The following KCNH1 variants were observed in gnomAD, a reference collection of about 807,000 sequenced individuals.
KCNH1 encodes the protein voltage-gated delayed rectifier potassium channel KCNH1.
In KCNH1, 27 loss-of-function variants were observed where a neutral mutation model predicts 69.2. The observed-to-expected ratio is 0.39, with a 90% confidence interval of 0.29 to 0.54. The LOEUF is 0.54. KCNH1 is among the 20% of genes least tolerant of loss of function. KCNH1 has a pLI of 0.68. For missense variants in KCNH1, 798 were observed against 1,261.6 expected (o/e 0.63, Z 5.57); for synonymous variants, 456 against 487.7 (o/e 0.93, Z 0.86).
intron 6 of KCNH1, among the ~76,000 whole-genome samples, chr1:211,000,349 A>G (rs542684625): frequency 6.3e-4 from 96 of 152,350 alleles, no homozygotes; most frequent in African/African-American, 2.1e-3. Context: ...AAAAATCACA[A>G]GCATTCTTAT....
At position 210,682,383 on chromosome 1, in the gene KCNH1, C is replaced by G. The variant is rs1198382307; in HGVS notation, c.*898G>C. On this transcript the variant is annotated 3_prime_UTR_variant, in exon 11 of 11. Coordinates refer to ENST00000271751, the MANE Select transcript of KCNH1 (RefSeq NM_172362.3). Reference sequence around the variant, plus strand: ...ATAAAGCAACTCTGGGCTCATGACCCTTCCTGCCGATGCTCCATACCCTGA... The same window carrying G: ...ATAAAGCAACTCTGGGCTCATGACCGTTCCTGCCGATGCTCCATACCCTGA... 1 of 152,240 alleles carries G rather than the reference C, an allele frequency of 6.6e-6. No homozygotes were observed. Among genetic ancestry groups the G allele is most frequent in the Non-Finnish European group, 1.5e-5 (1 of 68,102 alleles). 9.4% of individuals were successfully genotyped at this position (152,240 alleles called of 1,614,324 possible). A position where few individuals can be genotyped will look rare whatever the true frequency, so the allele number is the denominator to read the frequency against.
intron 10 of KCNH1, among the ~76,000 whole-genome samples, chr1:210,713,896 A>G (rs1682144955): frequency 6.6e-6 from 1 of 152,224 alleles, no homozygotes; most frequent in South Asian, 2.1e-4. Context: ...TGGAGCTAAC[A>G]GGAATTCAGC....
At chr1:210,717,980 A>G (rs1168440280) in intron 10 of KCNH1, among the ~76,000 whole-genome samples, 1 of 151,810 alleles carries the variant, frequency 6.6e-6, no homozygotes, top group Non-Finnish European at 1.5e-5. Context: ...GGTGGTGTGC[A>G]CCTTTAATGC....
intron 7 of KCNH1, among the ~76,000 whole-genome samples, chr1:210,855,342 TA>T (rs1310665708): frequency 5.3e-5 from 8 of 152,190 alleles, no homozygotes; most frequent in Non-Finnish European, 8.8e-5. Flanking sequence ...AATCCCTTAT[TA>T]TTGACTGTAA....
At chr1:210,922,369 G>A (rs190147937) in intron 6 of KCNH1, among the ~76,000 whole-genome samples, 2,398 of 126,900 alleles carry the variant, frequency 0.019, 77 homozygotes, top group African/African-American at 0.066. Flanking sequence ...GGGCAACAGA[G>A]CGAGACTCCG....
intron 10 of KCNH1, among the ~76,000 whole-genome samples, chr1:210,687,177 G>A (rs771121537): frequency 6.6e-6 from 1 of 152,168 alleles, no homozygotes; most frequent in Non-Finnish European, 1.5e-5. Context: ...AGGAGTCAAC[G>A]CAAAACGGAT....
Position 210,698,019 on chromosome 1 carries a change from C to T in KCNH1, c.2113-13881G>A, listed in dbSNP as rs116473866. Among the ~76,000 whole-genome samples, 747 of 152,324 alleles carry T rather than the reference C, an allele frequency of 4.9e-3. 9 individuals carry two copies. Among genetic ancestry groups the T allele is most frequent in the African/African-American group, 0.017 (701 of 41,576 alleles). The stretch of plus-strand genomic sequence containing the variant: ...GATAGCCAGTTTGTGGATTGCTTTT[C>T]TCTCCTTCTGTCAATATACACAAAT... On this transcript the variant is annotated intron_variant, in intron 10 of 10. Transcript: ENST00000271751.
At chr1:211,104,758 A>C (rs1691322898) in intron 2 of KCNH1, among the ~76,000 whole-genome samples, 1 of 152,172 alleles carries the variant, frequency 6.6e-6, no homozygotes, top group African/African-American at 2.4e-5. Flanking sequence ...AGCAATGATC[A>C]CTCCTCAAGT....
At chr1:210,905,725 G>A (rs947672049) in intron 7 of KCNH1, among the ~76,000 whole-genome samples, 2 of 152,000 alleles carry the variant, frequency 1.3e-5, no homozygotes, top group South Asian at 2.1e-4. Flanking sequence ...GGCAGCCGTA[G>A]GGTGCTGAGG....
intron 7 of KCNH1, among the ~76,000 whole-genome samples, chr1:210,807,989 G>T (rs1255220207): frequency 1.3e-5 from 2 of 152,210 alleles, no homozygotes; most frequent in African/African-American, 4.8e-5. Flanking sequence ...AACAAAAGGA[G>T]CCGGACAAAA....
chr1:210,841,126 G>C (rs554763508), intron 7 of KCNH1, among the ~76,000 whole-genome samples: 3 of 152,300 alleles, frequency 2.0e-5, no homozygotes, highest in African/African-American at 7.2e-5. Context: ...GACAACAAAT[G>C]AAGCTGCTTC....
chr1:210,743,444 G>T (rs552323168), intron 10 of KCNH1, among the ~76,000 whole-genome samples: 1 of 152,306 alleles, frequency 6.6e-6, no homozygotes, highest in East Asian at 1.9e-4. Context: ...AGCCTTGGCA[G>T]CCAGAAAGAC....
chr1:210,815,964 C>T lies in KCNH1; in HGVS notation c.1463-11798G>A, dbSNP rs954555265. ...AAAAGCAAAGTGGTATATTTAAAGGCGGGACATCTGTGCTTCTTCCTCTAA... is the reference window on the plus strand; with the variant it reads ...AAAAGCAAAGTGGTATATTTAAAGGTGGGACATCTGTGCTTCTTCCTCTAA... On this transcript the variant is annotated intron_variant, in intron 7 of 10. Coordinates refer to ENST00000271751, the MANE Select transcript of KCNH1 (RefSeq NM_172362.3). Among the ~76,000 whole-genome samples the T allele has an allele frequency of 5.3e-5, 8 of 152,254 alleles. No individual in the cohort carries two copies. The South Asian group carries it at 6.2e-4, about 12-fold the overall frequency.
At chr1:210,787,535 G>T (rs1416575315) in intron 9 of KCNH1, among the ~76,000 whole-genome samples, 1 of 152,164 alleles carries the variant, frequency 6.6e-6, no homozygotes, top group Non-Finnish European at 1.5e-5. Flanking sequence ...TCACATCAAT[G>T]AAAGCATGCG....
chr1:211,068,156 T>C (rs1690568118), intron 5 of KCNH1, among the ~76,000 whole-genome samples: 1 of 152,204 alleles, frequency 6.6e-6, no homozygotes, highest in Admixed American at 6.5e-5. Flanking sequence ...CTGTGCTTTG[T>C]GTCAATTTTT....
intron 6 of KCNH1, among the ~76,000 whole-genome samples, chr1:210,968,741 T>A (rs1688458845): frequency 1.3e-5 from 2 of 152,092 alleles, no homozygotes; most frequent in African/African-American, 4.8e-5. Context: ...TAAATTTGTT[T>A]GTGTTCATTG....
intron 9 of KCNH1, among the ~76,000 whole-genome samples, chr1:210,776,001 T>C (rs1574249045): frequency 6.6e-6 from 1 of 152,154 alleles, no homozygotes; most frequent in East Asian, 1.9e-4. Context: ...CAACCAATAT[T>C]TATAGGCAGA....
chr1:211,037,460 T>G (rs1434445642), intron 5 of KCNH1, among the ~76,000 whole-genome samples: 1 of 151,404 alleles, frequency 6.6e-6, no homozygotes, highest in Non-Finnish European at 1.5e-5. Flanking sequence ...AAAACAGGAC[T>G]GTACGCTCAA....
At chr1:211,069,964 G>A (rs1690606479) in intron 5 of KCNH1, among the ~76,000 whole-genome samples, 1 of 152,052 alleles carries the variant, frequency 6.6e-6, no homozygotes, top group Non-Finnish European at 1.5e-5. Context: ...AGAATTGTGG[G>A]ACAACTACAA....
Sources: gnomAD v4.1 joint callset for allele counts (sites outside exome capture counted in the v4.1 genomes callset) on GRCh38, gnomAD v4.1.1 for gene constraint, MANE v1.5 for transcripts, NCBI Gene and HGNC (gene_info 2026-07-23, HGNC 2026-07-21) for gene names.